Variants in SEPTIN14 observed in about 807,000 individuals in gnomAD.
The protein encoded by SEPTIN14 is septin 14.
Under a neutral mutation model 53.6 loss-of-function variants are expected in SEPTIN14, and 40 were observed. The observed-to-expected ratio is 0.75, with a 90% CI of 0.58 to 0.97. The LOEUF is 0.97. Among genes scored for constraint, SEPTIN14 ranks in the 50% least tolerant of loss-of-function variants. The probability of loss-of-function intolerance (pLI) is 0.00; values close to 1 mark genes in which losing one functional copy is unlikely to be tolerated. For missense variants in SEPTIN14, 471 were observed against 508.2 expected (o/e 0.93, Z 0.70); for synonymous variants, 138 against 166.8 (o/e 0.83, Z 1.33).
rs532650395 is a variant in SEPTIN14, at chr7:55,811,278, T to A, written c.818-4020A>T. On this transcript the variant is annotated intron_variant, in intron 7 of 9. Transcript: ENST00000388975. ...GAGTTTATCCACCTCCTTGAAGAGGTTCTGCCTGTCAGACTCAATTGGCTT... is the reference window on the plus strand; with the variant it reads ...GAGTTTATCCACCTCCTTGAAGAGGATCTGCCTGTCAGACTCAATTGGCTT... The A allele has an allele frequency of 6.9e-4, 358 of 518,808 alleles. 8 individuals are homozygous for A. The highest frequency in any genetic ancestry group is 4.8e-3 in the South Asian group (318 of 66,306). 32.1% of individuals were successfully genotyped at this position (518,808 alleles called of 1,614,324 possible). A position where few individuals can be genotyped will look rare whatever the true frequency, so the allele number is the denominator to read the frequency against.
rs940871935 is a variant in SEPTIN14 at position 55,862,674 on chromosome 7, A to T, written c.-16+14T>A. 2.0e-5 allele frequency: 3 copies of T among 152,234 alleles called. No individual in the cohort carries two copies. Among genetic ancestry groups the T allele is most frequent in the African/African-American group, 7.2e-5 (3 of 41,440 alleles). The allele number at this position is 152,234 out of a possible 1,614,324, so 9.4% of individuals were successfully genotyped here. A position where few individuals can be genotyped will look rare whatever the true frequency, so the allele number is the denominator to read the frequency against. On this transcript the variant is annotated intron_variant, in intron 1 of 9. Transcript: ENST00000388975. ...GGTGAAAAAATTCAGACTCAGAAAG[A>T]TTAAATAACTTACTTTCCCAGGGAT...
Position 55,795,704 on chromosome 7 carries a change from G to A in SEPTIN14, c.*209C>T. 1.8e-6 allele frequency: 1 copy of A among 543,566 alleles called. No homozygotes were observed. Among genetic ancestry groups the A allele is most frequent in the Non-Finnish European group, 3.3e-6 (1 of 306,660 alleles). 33.7% of individuals were successfully genotyped at this position (543,566 alleles called of 1,614,324 possible). A position where few individuals can be genotyped will look rare whatever the true frequency, so the allele number is the denominator to read the frequency against. On this transcript the variant is annotated 3_prime_UTR_variant, in exon 10 of 10. Transcript: ENST00000388975. ...GCTGGTTTTGAACTCCTGACCTCAG[G>A]TGGTCCACCCGCCTCAGCCTCCCAA...
At chr7:55,854,151 T>G (rs941504420) in intron 2 of SEPTIN14, among the ~76,000 whole-genome samples, 1 of 151,886 alleles carries the variant, frequency 6.6e-6, no homozygotes, top group Admixed American at 6.6e-5. Flanking sequence ...TCAATAAACA[T>G]ATTTCACCAT....
At chr7:55,809,313 T>A (rs1330126344) in intron 7 of SEPTIN14, among the ~76,000 whole-genome samples, 1 of 136,652 alleles carries the variant, frequency 7.3e-6, no homozygotes, top group Non-Finnish European at 1.6e-5. Flanking sequence ...TGCTTACTTT[T>A]TTTTTTTTTT....
At chr7:55,801,593 GACTTT>G (rs1256684539) in intron 9 of SEPTIN14, among the ~76,000 whole-genome samples, 1 of 152,128 alleles carries the variant, frequency 6.6e-6, no homozygotes, top group African/African-American at 2.4e-5. Flanking sequence ...CGTACTAGGT[GACTTT>G]ACTGGGGAAG....
chr7:55,841,645 C>T (rs1229570828), intron 5 of SEPTIN14, among the ~76,000 whole-genome samples: 1 of 152,016 alleles, frequency 6.6e-6, no homozygotes, highest in Non-Finnish European at 1.5e-5. Context: ...CACCCGAGGT[C>T]GGGAGTTCGA....
At chr7:55,819,664 T>G (rs2115995439) in intron 6 of SEPTIN14, among the ~76,000 whole-genome samples, 2 of 152,326 alleles carry the variant, frequency 1.3e-5, no homozygotes, top group South Asian at 4.1e-4. Context: ...CATCTCATTT[T>G]AAGACTTGAC....
intron 6 of SEPTIN14, among the ~76,000 whole-genome samples, chr7:55,822,041 C>T (rs1238748137): frequency 2.6e-5 from 4 of 152,128 alleles, no homozygotes; most frequent in Non-Finnish European, 5.9e-5. Context: ...TCTCGTGAGA[C>T]TTATTCACTA....
Position 55,860,179 on chromosome 7 carries a change from CA to C in SEPTIN14, c.54+1763del, listed in dbSNP as rs36100326. On this transcript the variant is annotated intron_variant, in intron 2 of 9. Coordinates refer to ENST00000388975, the MANE Select transcript of SEPTIN14 (RefSeq NM_207366.3). ...GGGCAACAAGAGTGAAACTCCATCT[CA>C]AAAAAAAAAAAAAATACAATTTGGC... 5.8e-3 allele frequency among the ~76,000 whole-genome samples: 668 copies of C among 115,480 alleles called. 2 individuals are homozygous for C. The highest frequency in any genetic ancestry group is 0.016 in the Middle Eastern group (3 of 184). The allele number at this position is 115,480 out of a possible 152,430, so 75.8% of individuals were successfully genotyped here. A position where few individuals can be genotyped will look rare whatever the true frequency, so the allele number is the denominator to read the frequency against.
chr7:55,807,336 A>G (rs1788626963), intron 7 of SEPTIN14, 78 bp from the exon 8 acceptor site: 1 of 871,116 alleles, frequency 1.1e-6, no homozygotes, highest in South Asian at 1.8e-5. Context: ...GAATGAATAC[A>G]TGAATAAAAA....
intron 7 of SEPTIN14, chr7:55,811,464 T>C (rs1348353216): frequency 2.0e-5 from 7 of 348,384 alleles, no homozygotes; most frequent in Non-Finnish European, 3.5e-5. Flanking sequence ...GAAGGCAAAC[T>C]CTTCTCCAAT....
At chr7:55,817,612 G>A (rs1788817647) in intron 7 of SEPTIN14, among the ~76,000 whole-genome samples, 1 of 151,830 alleles carries the variant, frequency 6.6e-6, no homozygotes, top group African/African-American at 2.4e-5. Context: ...TGGGACTACA[G>A]GTGCCCGCCA....
In SEPTIN14 at chr7:55,794,269, T is replaced by G. The variant is rs1391631812; in HGVS notation, c.*1644A>C. 1 of 152,184 alleles carries G rather than the reference T, an allele frequency of 6.6e-6. No individual in the cohort carries two copies. The highest frequency in any genetic ancestry group is 1.5e-5 in the Non-Finnish European group (1 of 68,022). 9.4% of individuals were successfully genotyped at this position (152,184 alleles called of 1,614,324 possible). A position where few individuals can be genotyped will look rare whatever the true frequency, so the allele number is the denominator to read the frequency against. ...TAAATATGGAATAATATTGGTGATT[T>G]CAGTTTCAGTTTTAATAACATTGGA... On this transcript the variant is annotated 3_prime_UTR_variant, in exon 10 of 10. Coordinates refer to ENST00000388975, the MANE Select transcript of SEPTIN14 (RefSeq NM_207366.3).
At chr7:55,809,478 CT>C (rs1479974086) in intron 7 of SEPTIN14, among the ~76,000 whole-genome samples, 2 of 151,536 alleles carry the variant, frequency 1.3e-5, no homozygotes, top group African/African-American at 2.4e-5. Flanking sequence ...GCTTCAGCCT[CT>C]TAAGTAGCTG....
chr7:55,834,915 G>A (rs1250023590), intron 5 of SEPTIN14, among the ~76,000 whole-genome samples: 2 of 152,194 alleles, frequency 1.3e-5, no homozygotes, highest in African/African-American at 4.8e-5. Context: ...AAAGTGCTGG[G>A]ATTACAGGCG....
At chr7:55,819,496 G>A (rs939255212) in intron 6 of SEPTIN14, among the ~76,000 whole-genome samples, 9 of 152,146 alleles carry the variant, frequency 5.9e-5, no homozygotes, top group Non-Finnish European at 1.2e-4. Context: ...GGCTGAGGCA[G>A]GAGAATGGCG....
At chr7:55,831,885 A>G (rs986640888) in intron 6 of SEPTIN14, among the ~76,000 whole-genome samples, 2 of 152,142 alleles carry the variant, frequency 1.3e-5, no homozygotes, top group South Asian at 4.2e-4. Flanking sequence ...AACATCACCA[A>G]TCATCAGAGA....
chr7:55,821,496 A>G (rs188423837), intron 6 of SEPTIN14, among the ~76,000 whole-genome samples: 472 of 152,326 alleles, frequency 3.1e-3, no homozygotes, highest in Non-Finnish European at 4.5e-3. Context: ...CTGAATAGCC[A>G]AAAAAATATT....
intron 6 of SEPTIN14, among the ~76,000 whole-genome samples, chr7:55,831,682 T>G (rs1584263321): frequency 6.6e-6 from 1 of 152,108 alleles, no homozygotes; most frequent in East Asian, 1.9e-4. Context: ...ACAGACAACC[T>G]ACACAATAAG....
Sources: allele counts gnomAD v4.1 joint callset (sites outside exome capture counted in the v4.1 genomes callset), GRCh38; gene constraint gnomAD v4.1.1; transcripts MANE v1.5; gene names NCBI Gene and HGNC (gene_info 2026-07-23, HGNC 2026-07-21).